The following KHDRBS3 variants were observed in gnomAD, a reference collection of about 807,000 sequenced individuals.
The protein encoded by KHDRBS3 is KH domain-containing, RNA-binding, signal transduction-associated protein 3.
KHDRBS3 carries 23 observed loss-of-function variants against 45.6 expected under a neutral mutation model. The ratio of observed to expected loss-of-function variants is 0.50; its 90% CI spans 0.36 to 0.72. The LOEUF is 0.72. Ranked by LOEUF, KHDRBS3 falls within the 30% of genes least tolerant of loss-of-function variation. The probability of loss-of-function intolerance (pLI) is 0.00; values close to 1 mark genes in which losing one functional copy is unlikely to be tolerated. For synonymous variants in KHDRBS3, 162 were observed against 156.5 expected (o/e 1.04, Z -0.26); for missense variants, 352 against 424.8 (o/e 0.83, Z 1.51).
At chr8:135,645,856 A>C (rs889944242) in intron 8 of KHDRBS3, among the ~76,000 whole-genome samples, 1 of 152,216 alleles carries the variant, frequency 6.6e-6, no homozygotes, top group Non-Finnish European at 1.5e-5. Flanking sequence ...TACCCGGTGC[A>C]AGTATATCAG....
At chr8:135,609,980 C>G (rs1829643339) in intron 7 of KHDRBS3, among the ~76,000 whole-genome samples, 1 of 151,868 alleles carries the variant, frequency 6.6e-6, no homozygotes, top group Admixed American at 6.6e-5. Flanking sequence ...CAACCCCGTC[C>G]TATACAATAA....
chr8:135,582,133 A>T, intron 6 of KHDRBS3, 60 bp downstream of exon 6: 1 of 1,410,188 alleles, frequency 7.1e-7, no homozygotes, highest in Non-Finnish European at 9.4e-7. Flanking sequence ...CAGACTTAGC[A>T]CTGGATATTG....
chr8:135,572,532 C>A (rs2130889822), intron 5 of KHDRBS3, among the ~76,000 whole-genome samples: 1 of 152,118 alleles, frequency 6.6e-6, no homozygotes, highest in South Asian at 2.1e-4. Flanking sequence ...TAACCAATAA[C>A]CTGCTTCATA....
At chr8:135,501,466 C>T (rs955948950) in intron 1 of KHDRBS3, among the ~76,000 whole-genome samples, 3 of 152,072 alleles carry the variant, frequency 2.0e-5, no homozygotes, top group Non-Finnish European at 4.4e-5. Flanking sequence ...AGCTATTTGT[C>T]TGACAAACAA....
At chr8:135,528,464 T>C (rs1307192332) in intron 2 of KHDRBS3, among the ~76,000 whole-genome samples, 10 of 152,212 alleles carry the variant, frequency 6.6e-5, no homozygotes, top group African/African-American at 2.2e-4. Context: ...AATGTTGCCA[T>C]TTTTGTTGCT....
intron 2 of KHDRBS3, among the ~76,000 whole-genome samples, chr8:135,532,988 A>AT (rs946037231): frequency 3.3e-5 from 5 of 151,570 alleles, no homozygotes; most frequent in Non-Finnish European, 5.9e-5. Flanking sequence ...GATATAAAGA[A>AT]TTTTTTTTTG....
intron 1 of KHDRBS3, among the ~76,000 whole-genome samples, chr8:135,497,028 T>G (rs570757574): frequency 1.3e-5 from 2 of 152,282 alleles, no homozygotes; most frequent in South Asian, 4.1e-4. Flanking sequence ...CCACATTCTT[T>G]TGGTTCAGTC....
At position 135,503,446 on chromosome 8, in the gene KHDRBS3, C is replaced by G. The variant is rs147352177; in HGVS notation, c.89-17791C>G. 1.7e-4 allele frequency among the ~76,000 whole-genome samples: 26 copies of G among 152,292 alleles called. No individual in the cohort carries two copies. The East Asian group carries it at 5.0e-3, about 29-fold the overall frequency. ...TAGTTGGAAAAGTTCCCTGTAATGA[C>G]CCTTGTTCTGTAACTTACATCTGAG... On this transcript the variant is annotated intron_variant, in intron 1 of 8. Coordinates refer to ENST00000355849, the MANE Select transcript of KHDRBS3 (RefSeq NM_006558.3).
rs141036879 is a variant in KHDRBS3, at chr8:135,536,658, T to C, written c.208-5996T>C. Among the ~76,000 whole-genome samples the C allele has an allele frequency of 7.3e-3, 1,109 of 151,784 alleles. 3 individuals are homozygous for C. Among genetic ancestry groups the C allele is most frequent in the Non-Finnish European group, 0.011 (749 of 67,924 alleles). ...GTGGTTGTGGGAGGACTGAAGAAAA[T>C]GGACAGATTTAAGAGATGTTGGCCG... On this transcript the variant is annotated intron_variant, in intron 2 of 8. Transcript: ENST00000355849.
chr8:135,550,070 G>A (rs1350896981), intron 4 of KHDRBS3: 2 of 152,184 alleles, frequency 1.3e-5, no homozygotes, highest in African/African-American at 2.4e-5. Flanking sequence ...AGTCAGATAT[G>A]AGTCAGTTTT....
rs34471888 is a variant in KHDRBS3 at position 135,570,732 on chromosome 8, C to T, written c.612-11146C>T. On this transcript the variant is annotated intron_variant, in intron 5 of 8. Transcript: ENST00000355849. ...GTCTGTGTATTTAATCCCAACTAGG[C>T]TTGTTACCTGGCATGAGTACCCCAC... 9.9e-3 allele frequency among the ~76,000 whole-genome samples: 1,510 copies of T among 152,254 alleles called. 9 individuals carry two copies. The highest frequency in any genetic ancestry group is 0.013 in the Non-Finnish European group (871 of 68,028).
At chr8:135,604,911 T>A (rs547509062) in intron 6 of KHDRBS3, among the ~76,000 whole-genome samples, 16 of 151,980 alleles carry the variant, frequency 1.1e-4, no homozygotes, top group African/African-American at 3.9e-4. Flanking sequence ...GATGGAGAAA[T>A]TTTAGTTGAC....
At chr8:135,574,526 T>C (rs569671993) in intron 5 of KHDRBS3, among the ~76,000 whole-genome samples, 201 of 152,198 alleles carry the variant, frequency 1.3e-3, no homozygotes, top group South Asian at 2.5e-3. Context: ...TAAATGTATG[T>C]CTTTCAATTT....
At position 135,548,751 on chromosome 8, in the gene KHDRBS3, C is replaced by A; in HGVS notation, c.325-3C>A. ...AATGTGATTTCTTTTTTCCTTTTTC[C>A]AGGAAGAAGAGTTGAGGAAAAGTGG... On this transcript the variant is annotated splice_polypyrimidine_tract_variant and splice_region_variant and intron_variant, in intron 3 of 8. Coordinates refer to ENST00000355849, the MANE Select transcript of KHDRBS3 (RefSeq NM_006558.3). The A allele has an allele frequency of 6.7e-7, 1 of 1,482,452 alleles. No homozygotes were observed. The highest frequency in any genetic ancestry group is 1.5e-5 in the South Asian group (1 of 67,938). 91.8% of individuals were successfully genotyped at this position (1,482,452 alleles called of 1,614,324 possible). A position where few individuals can be genotyped will look rare whatever the true frequency, so the allele number is the denominator to read the frequency against.
chr8:135,604,791 TA>T (rs1829381468), intron 6 of KHDRBS3, among the ~76,000 whole-genome samples: 2 of 151,914 alleles, frequency 1.3e-5, no homozygotes, highest in African/African-American at 4.8e-5. Context: ...AAGCTTATAC[TA>T]TCTTTTATAT....
rs147791110 is a variant in KHDRBS3, at chr8:135,495,079, T to C, written c.89-26158T>C. On this transcript the variant is annotated intron_variant, in intron 1 of 8. Coordinates refer to ENST00000355849, the MANE Select transcript of KHDRBS3 (RefSeq NM_006558.3). Reference sequence around the variant, plus strand: ...CATCTAAGTGGAATTCTGTGGAAAATGTTGGAGAATGAGTGTTTTCTCCCA... The same window carrying C: ...CATCTAAGTGGAATTCTGTGGAAAACGTTGGAGAATGAGTGTTTTCTCCCA... Among the ~76,000 whole-genome samples, 63 of 152,296 alleles carry C rather than the reference T, an allele frequency of 4.1e-4. No individual in the cohort carries two copies. The East Asian group carries it at 0.012, about 28-fold the overall frequency.
chr8:135,524,626 C>G (rs1825086289), intron 2 of KHDRBS3, among the ~76,000 whole-genome samples: 1 of 151,228 alleles, frequency 6.6e-6, no homozygotes, highest in Non-Finnish European at 1.5e-5. Context: ...CGTTTCTCCT[C>G]TCATTCTTTT....
intron 1 of KHDRBS3, among the ~76,000 whole-genome samples, chr8:135,481,250 A>ATATATATT (rs1285436029): frequency 2.5e-4 from 32 of 125,492 alleles, no homozygotes; most frequent in Non-Finnish European, 3.9e-4. Context: ...ATATATATAT[A>ATATATATT]TTTAATGTAA....
intron 6 of KHDRBS3, among the ~76,000 whole-genome samples, chr8:135,592,622 A>T (rs1053762246): frequency 2.0e-5 from 3 of 152,214 alleles, no homozygotes; most frequent in African/African-American, 7.2e-5. Context: ...TTGGGGAGGA[A>T]AAGTAATTTT....
Sources: allele counts gnomAD v4.1 joint callset (sites outside exome capture counted in the v4.1 genomes callset), GRCh38; gene constraint gnomAD v4.1.1; transcripts MANE v1.5; gene names NCBI Gene and HGNC (gene_info 2026-07-23, HGNC 2026-07-21).